DUSP22: variants seen among roughly 807,000 people sequenced by gnomAD.
DUSP22 encodes dual specificity protein phosphatase 22.
In DUSP22, 24 loss-of-function variants were observed where a neutral mutation model predicts 24.5. That is an observed-to-expected ratio of 0.98 (90% CI 0.71 to 1.38). The LOEUF (loss-of-function observed/expected upper bound fraction) is 1.38, where lower values mean the gene tolerates loss of function less well. DUSP22 is among the 40% of genes most tolerant of loss of function. The pLI is 0.00. For synonymous variants in DUSP22, 160 were observed against 106.4 expected (o/e 1.50, Z -3.10); for missense variants, 330 against 269.2 (o/e 1.23, Z -1.58).
chr6:349,914 A>G lies in DUSP22; in HGVS notation c.*963A>G, dbSNP rs1178265425. On this transcript the variant is annotated 3_prime_UTR_variant, in exon 7 of 7. Transcript: ENST00000419235. Reference sequence around the variant, plus strand: ...TCTCTGCTCCTTGCCAGCTTCATTCACTCCCAGCCTCTCGCTGTCCTCACT... The same window carrying G: ...TCTCTGCTCCTTGCCAGCTTCATTCGCTCCCAGCCTCTCGCTGTCCTCACT... The G allele has an allele frequency of 2.0e-6, 2 of 985,694 alleles. No individual in the cohort carries two copies. The highest frequency in any genetic ancestry group is 2.4e-6 in the Non-Finnish European group (2 of 830,178). 61.1% of individuals were successfully genotyped at this position (985,694 alleles called of 1,614,324 possible).
chr6:292,832 T>G (rs1379270842), intron 1 of DUSP22, among the ~76,000 whole-genome samples: 2 of 152,282 alleles, frequency 1.3e-5, no homozygotes, highest in Non-Finnish European at 2.9e-5. Flanking sequence ...CCGCGCCCTT[T>G]GAAAGCGTTG....
At chr6:343,474 C>T (rs556152824) in intron 4 of DUSP22, among the ~76,000 whole-genome samples, 233 of 152,190 alleles carry the variant, frequency 1.5e-3, no homozygotes, top group African/African-American at 5.1e-3. Flanking sequence ...GGTGCCAAGA[C>T]GCTGTCCCTG....
chr6:311,667 G>A (rs1445427490), intron 2 of DUSP22, among the ~76,000 whole-genome samples: 1 of 149,372 alleles, frequency 6.7e-6, no homozygotes, highest in African/African-American at 2.5e-5. Flanking sequence ...GCGACAGAGT[G>A]AGACTCCGTC....
intron 1 of DUSP22, among the ~76,000 whole-genome samples, chr6:303,147 G>T (rs1487527817): frequency 5.2e-5 from 8 of 152,416 alleles, no homozygotes; most frequent in African/African-American, 1.9e-4. Context: ...AGACCCTCGG[G>T]AATGAGAGAC....
intron 1 of DUSP22, among the ~76,000 whole-genome samples, chr6:294,139 A>G (rs896213047): frequency 6.6e-6 from 1 of 152,290 alleles, no homozygotes; most frequent in African/African-American, 2.4e-5. Flanking sequence ...TAAGGGATCA[A>G]CGTTATTTTC....
intron 1 of DUSP22, among the ~76,000 whole-genome samples, chr6:297,216 T>C (rs1412366052): frequency 6.6e-6 from 1 of 152,304 alleles, no homozygotes; most frequent in Non-Finnish European, 1.5e-5. Flanking sequence ...CTTAGGTGGT[T>C]AGCTAATCCA....
intron 4 of DUSP22, among the ~76,000 whole-genome samples, chr6:344,672 T>A (rs1443065595): frequency 6.6e-6 from 1 of 152,296 alleles, no homozygotes; most frequent in Non-Finnish European, 1.5e-5. Flanking sequence ...ACTTTATAAA[T>A]GAGAAGATAA....
chr6:350,075 A>G lies in DUSP22; in HGVS notation c.*1124A>G, dbSNP rs1760119557. ...GCTTCTTGGTATTCACTTGGGTTTG[A>G]TAATTGATCTGAGCTACCTCATTGA... On this transcript the variant is annotated 3_prime_UTR_variant, in exon 7 of 7. Transcript: ENST00000419235. The G allele has an allele frequency of 6.1e-6, 6 of 985,566 alleles. No individual in the cohort carries two copies. The highest frequency in any genetic ancestry group is 6.1e-5 in the Admixed American group (1 of 16,278). 61.1% of individuals were successfully genotyped at this position (985,566 alleles called of 1,614,324 possible). A position where few individuals can be genotyped will look rare whatever the true frequency, so the allele number is the denominator to read the frequency against.
At chr6:304,513 G>A (rs1046926121) in intron 1 of DUSP22, 115 bp from the exon 2 acceptor site, 13 of 1,458,890 alleles carry the variant, frequency 8.9e-6, no homozygotes, top group South Asian at 2.3e-5. Flanking sequence ...GGGAGGTGCT[G>A]TACTGGGGAA....
intron 2 of DUSP22, among the ~76,000 whole-genome samples, chr6:306,511 T>G (rs1202992063): frequency 6.6e-6 from 1 of 152,294 alleles, no homozygotes. Context: ...GCCCACCACC[T>G]CTCCTTGTTC....
intron 3 of DUSP22, among the ~76,000 whole-genome samples, chr6:333,135 T>C (rs1759209825): frequency 6.6e-6 from 1 of 152,308 alleles, no homozygotes; most frequent in South Asian, 2.1e-4. Context: ...TTGAAGATAC[T>C]TTCAGTGTTC....
chr6:348,195 G>C lies in DUSP22; in HGVS notation c.356G>C (p.Arg119Pro), dbSNP rs7768224. 4 of 1,614,108 alleles carry C rather than the reference G, an allele frequency of 2.5e-6. No individual in the cohort carries two copies. The highest frequency in any genetic ancestry group is 3.4e-6 in the Non-Finnish European group (4 of 1,180,060). ...FGWEDALHTV[R>P]AGRSCANPNV... ...TGGGAGGATGCCCTGCACACCGTGCGTGCTGGGAGATCCTGTGCCAACCCC... is the reference window on the plus strand; with the variant it reads ...TGGGAGGATGCCCTGCACACCGTGCCTGCTGGGAGATCCTGTGCCAACCCC... The change falls in exon 6 of 7, where the codon CGT becomes CCT. Residue 119 changes from arginine to proline, a missense_variant. Transcript: ENST00000419235.
At chr6:345,984 C>T (rs913603301) in intron 5 of DUSP22, 56 bp downstream of exon 5, 285 of 1,601,056 alleles carry the variant, frequency 1.8e-4, no homozygotes, top group South Asian at 5.8e-4. Flanking sequence ...GCTTGGCTTC[C>T]CATCAAGTGT....
intron 4 of DUSP22, among the ~76,000 whole-genome samples, chr6:341,435 A>G (rs895116013): frequency 2.0e-5 from 3 of 152,422 alleles, no homozygotes; most frequent in Admixed American, 6.5e-5. Context: ...TTTAATGACC[A>G]GAGTTGGGGC....
chr6:350,221 G>C lies in DUSP22; in HGVS notation c.*1270G>C. 1 of 988,394 alleles carries C rather than the reference G, an allele frequency of 1.0e-6. No individual in the cohort carries two copies. The allele number at this position is 988,394 out of a possible 1,614,324, so 61.2% of individuals were successfully genotyped here. On this transcript the variant is annotated 3_prime_UTR_variant, in exon 7 of 7. Coordinates refer to ENST00000419235, the MANE Select transcript of DUSP22 (RefSeq NM_001286555.3). ...TACCGATATCATTGAGCTATTTAAA[G>C]TTGCCAGTTTGGGCTCCAGTAATGC...
intron 4 of DUSP22, among the ~76,000 whole-genome samples, chr6:341,664 C>T (rs961546840): frequency 1.7e-4 from 26 of 152,416 alleles, no homozygotes; most frequent in South Asian, 8.3e-4. Flanking sequence ...GGTGGCGCCG[C>T]GAATGGCCCT....
chr6:345,163 G>C (rs1299933668), intron 4 of DUSP22, among the ~76,000 whole-genome samples: 1 of 152,258 alleles, frequency 6.6e-6, no homozygotes. Flanking sequence ...ACCAGGTTTT[G>C]ATGGTATGGG....
At chr6:348,030 C>T (rs1398614479) in intron 5 of DUSP22, 73 bp from the exon 6 acceptor site, 8 of 1,590,460 alleles carry the variant, frequency 5.0e-6, no homozygotes, top group Non-Finnish European at 6.9e-6. Flanking sequence ...GAGTCCCCCG[C>T]TCCACATGGA....
intron 5 of DUSP22, among the ~76,000 whole-genome samples, chr6:347,317 G>A (rs1180472759): frequency 1.1e-4 from 17 of 152,416 alleles, no homozygotes; most frequent in African/African-American, 3.4e-4. Flanking sequence ...GATATTCTAG[G>A]AATTAATACT....
Sources: gnomAD v4.1 joint callset for allele counts (sites outside exome capture counted in the v4.1 genomes callset) on GRCh38, gnomAD v4.1.1 for gene constraint, MANE v1.5 for transcripts, NCBI Gene and HGNC (gene_info 2026-07-23, HGNC 2026-07-21) for gene names.